Variants in CWF19L2 observed in about 807,000 individuals in gnomAD.
The protein encoded by CWF19L2 is CWF19-like protein 2.
A neutral mutation model predicts 111.7 loss-of-function variants in CWF19L2; 98 were observed. The ratio of observed to expected loss-of-function variants is 0.88; its 90% CI spans 0.75 to 1.04. The LOEUF (loss-of-function observed/expected upper bound fraction) is 1.04, where lower values mean the gene tolerates loss of function less well. Among genes scored for constraint, CWF19L2 ranks in the 50% least tolerant of loss-of-function variants. The pLI is 0.00. For synonymous variants in CWF19L2, 351 were observed against 342.9 expected (o/e 1.02, Z -0.26); for missense variants, 1,101 against 1,051.4 (o/e 1.05, Z -0.65).
rs112976981 is a variant in CWF19L2 at position 107,371,429 on chromosome 11, T to G, written c.1873-17693A>C. On this transcript the variant is annotated intron_variant, in intron 12 of 17. Coordinates refer to ENST00000282251, the MANE Select transcript of CWF19L2 (RefSeq NM_152434.3). ...AGGAATTAGAAGCAGGACTCAAGACTATTCTCCCATATGACATTGACTTAT... is the reference window on the plus strand; with the variant it reads ...AGGAATTAGAAGCAGGACTCAAGACGATTCTCCCATATGACATTGACTTAT... 3.0e-4 allele frequency among the ~76,000 whole-genome samples: 41 copies of G among 138,042 alleles called. 7 individuals carry two copies. Among genetic ancestry groups the G allele is most frequent in the African/African-American group, 1.2e-3 (41 of 34,730 alleles). The allele number at this position is 138,042 out of a possible 152,430, so 90.6% of individuals were successfully genotyped here.
intron 12 of CWF19L2, among the ~76,000 whole-genome samples, chr11:107,385,607 T>C (rs543493574): frequency 2.6e-5 from 4 of 152,360 alleles, no homozygotes; most frequent in Admixed American, 2.0e-4. Flanking sequence ...TAACCCCCCT[T>C]TACCTGTGGT....
chr11:107,453,381 G>A (rs1218897325), intron 3 of CWF19L2, among the ~76,000 whole-genome samples: 1 of 152,100 alleles, frequency 6.6e-6, no homozygotes, highest in Admixed American at 6.5e-5. Context: ...ACCCAAGGCT[G>A]CACAATGTGC....
chr11:107,421,093 A>G (rs1861297142), intron 8 of CWF19L2, among the ~76,000 whole-genome samples: 1 of 152,130 alleles, frequency 6.6e-6, no homozygotes, highest in Admixed American at 6.6e-5. Context: ...TGTATAAACT[A>G]TGTTCTTTTA....
chr11:107,452,109 A>C (rs1027719409), intron 3 of CWF19L2, among the ~76,000 whole-genome samples: 16 of 152,178 alleles, frequency 1.1e-4, no homozygotes, highest in Non-Finnish European at 1.2e-4. Context: ...AACAAATAAA[A>C]CAGGCACAGA....
chr11:107,403,603 C>G (rs776342540), intron 10 of CWF19L2: 109 of 785,106 alleles, frequency 1.4e-4, no homozygotes, highest in Non-Finnish European at 2.3e-4. Flanking sequence ...CAAGGTGTGT[C>G]TTCTCTGTCT....
chr11:107,431,949 G>T (rs1861471191), intron 7 of CWF19L2, among the ~76,000 whole-genome samples: 1 of 151,868 alleles, frequency 6.6e-6, no homozygotes, highest in South Asian at 2.1e-4. Context: ...ATATATTCCA[G>T]AAAAATTAAA....
chr11:107,383,817 G>A (rs1489916966), intron 12 of CWF19L2, among the ~76,000 whole-genome samples: 3 of 152,182 alleles, frequency 2.0e-5, no homozygotes, highest in Non-Finnish European at 4.4e-5. Flanking sequence ...GGGCAGATCT[G>A]AATACTGAGC....
At chr11:107,417,867 C>G (rs780000006) in intron 9 of CWF19L2, among the ~76,000 whole-genome samples, 7 of 152,008 alleles carry the variant, frequency 4.6e-5, no homozygotes, top group Non-Finnish European at 8.8e-5. Flanking sequence ...TCAAGCGATT[C>G]TCCTGCCTCA....
chr11:107,379,065 A>G (rs970500820), intron 12 of CWF19L2, among the ~76,000 whole-genome samples: 8 of 152,176 alleles, frequency 5.3e-5, no homozygotes, highest in African/African-American at 1.9e-4. Context: ...CGTTAAAGAG[A>G]TACGTGATCC....
At chr11:107,363,157 G>A (rs1365638984) in intron 12 of CWF19L2, among the ~76,000 whole-genome samples, 32 of 152,112 alleles carry the variant, frequency 2.1e-4, no homozygotes, top group African/African-American at 7.5e-4. Flanking sequence ...AAGCCTCCAA[G>A]AAATATGGGA....
intron 10 of CWF19L2, among the ~76,000 whole-genome samples, chr11:107,415,893 T>C (rs184640927): frequency 6.6e-5 from 10 of 151,670 alleles, no homozygotes; most frequent in Admixed American, 3.9e-4. Flanking sequence ...AGGTCAGGAG[T>C]TTGAGACCAG....
At chr11:107,348,541 C>T (rs78173131) in intron 14 of CWF19L2, among the ~76,000 whole-genome samples, 2,675 of 152,192 alleles carry the variant, frequency 0.018, 58 homozygotes, top group African/African-American at 0.06. Flanking sequence ...ATACGGCAAC[C>T]GCTAAATATA....
intron 10 of CWF19L2, among the ~76,000 whole-genome samples, chr11:107,407,916 T>C (rs1289706182): frequency 6.6e-6 from 1 of 152,082 alleles, no homozygotes; most frequent in Non-Finnish European, 1.5e-5. Flanking sequence ...GGGTGTTTCC[T>C]ATTCCATGAC....
chr11:107,416,265 T>C lies in CWF19L2; in HGVS notation c.1561A>G (p.Lys521Glu). The change falls in exon 10 of 18, where the codon AAG (lysine) becomes GAG (glutamate). Residue 521 changes from lysine (K) to glutamate (E), a missense_variant. By Grantham distance (56) the Lys-to-Glu change is moderately conservative. Transcript: ENST00000282251. Reference protein sequence around the residue: ...LAEQLKVQLEKANKFKETITQ... With the variant: ...LAEQLKVQLEEANKFKETITQ... ...ATAGTTTCTTTGAATTTATTTGCCT[T>C]TTCAAGTTGAACTTTAAGTTGTTCA... 6.7e-7 allele frequency: 1 copy of C among 1,490,096 alleles called. No individual in the cohort carries two copies. Among genetic ancestry groups the C allele is most frequent in the Non-Finnish European group, 9.0e-7 (1 of 1,111,016 alleles). 92.3% of individuals were successfully genotyped at this position (1,490,096 alleles called of 1,614,324 possible).
At chr11:107,330,123 C>T (rs1473347968) in intron 16 of CWF19L2, 104 bp from the exon 17 acceptor site, 1 of 567,702 alleles carries the variant, frequency 1.8e-6, no homozygotes, top group Non-Finnish European at 2.9e-6. Flanking sequence ...AAGCATTCCT[C>T]AAGACAAATG....
At position 107,368,919 on chromosome 11, in the gene CWF19L2, G is replaced by C. The variant is rs893774217; in HGVS notation, c.1873-15183C>G. The stretch of plus-strand genomic sequence containing the variant: ...ATTCAAAATCAGAAATGTAAAAGGA[G>C]ACATTACAACTGATATCACAGAAAT... On this transcript the variant is annotated intron_variant, in intron 12 of 17. Transcript: ENST00000282251. Among the ~76,000 whole-genome samples, 8 of 137,426 alleles carry C rather than the reference G, an allele frequency of 5.8e-5. 1 individual carries two copies. The highest frequency in any genetic ancestry group is 8.7e-5 in the African/African-American group (3 of 34,446). The allele number at this position is 137,426 out of a possible 152,430, so 90.2% of individuals were successfully genotyped here. A position where few individuals can be genotyped will look rare whatever the true frequency, so the allele number is the denominator to read the frequency against.
chr11:107,390,137 G>C lies in CWF19L2; in HGVS notation c.1809C>G (p.Val603=). ...DDDNLSLNDL[V]KNEKMGTAEN... ...CTGCTGTTCCCATCTTTTCATTTTT[G>C]ACTAAATCATTTAGGCTTAGATTAT... Residue 603 remains valine (V), a synonymous_variant, in exon 12 of 18, where the codon GTC becomes GTG. Transcript: ENST00000282251. The C allele has an allele frequency of 6.2e-7, 1 of 1,612,086 alleles. No individual in the cohort carries two copies.
intron 12 of CWF19L2, among the ~76,000 whole-genome samples, chr11:107,361,642 C>T (rs1287612756): frequency 6.6e-6 from 1 of 152,172 alleles, no homozygotes; most frequent in East Asian, 1.9e-4. Context: ...GTGTCATCTA[C>T]GATTTCTTTC....
intron 14 of CWF19L2, among the ~76,000 whole-genome samples, chr11:107,343,426 T>C (rs1309619641): frequency 6.6e-6 from 1 of 152,166 alleles, no homozygotes; most frequent in East Asian, 1.9e-4. Context: ...ATAAATGCTT[T>C]CTTTTCATTA....
Sources: gnomAD v4.1 joint callset for allele counts (sites outside exome capture counted in the v4.1 genomes callset) on GRCh38, gnomAD v4.1.1 for gene constraint, MANE v1.5 for transcripts, NCBI Gene and HGNC (gene_info 2026-07-23, HGNC 2026-07-21) for gene names.